Variants in SLCO1C1 observed in about 807,000 individuals in gnomAD.
SLCO1C1 encodes OAT-RP-5.
A neutral mutation model predicts 76.4 loss-of-function variants in SLCO1C1; 70 were observed. The observed-to-expected ratio is 0.92, with a 90% CI of 0.76 to 1.12. The LOEUF is 1.12. Ranked by LOEUF, SLCO1C1 falls within the 50% of genes most tolerant of loss-of-function variation. The pLI, the probability that SLCO1C1 is intolerant of heterozygous loss-of-function variation, is 0.00. For synonymous variants in SLCO1C1, 306 were observed against 286.1 expected (o/e 1.07, Z -0.70); for missense variants, 912 against 823.8 (o/e 1.11, Z -1.31).
rs1467339804 is a variant in SLCO1C1 at position 20,750,715 on chromosome 12, T to C, written c.1839T>C (p.Asp613=). ...CAGTGTATTTTGGAGTTTTGATTGA[T>C]ACTTCATGCCTCAAATGGGGATTTA... is the stretch of plus-strand genomic sequence containing the variant. ...PAPVYFGVLI[D]TSCLKWGFKR... Residue 613 remains aspartate (D), a synonymous_variant, in exon 14 of 15, where the codon GAT becomes GAC. Transcript: ENST00000266509. 1 of 1,614,088 alleles carries C rather than the reference T, an allele frequency of 6.2e-7. No individual in the cohort carries two copies.
chr12:20,745,896 C>T (rs887304129), intron 13 of SLCO1C1, among the ~76,000 whole-genome samples: 3 of 152,004 alleles, frequency 2.0e-5, no homozygotes, highest in East Asian at 3.9e-4. Context: ...TATGAACTCA[C>T]ATATTTTAAT....
At chr12:20,740,467 T>A in intron 12 of SLCO1C1, 99 bp downstream of exon 12, 1 of 1,092,578 alleles carries the variant, frequency 9.2e-7, no homozygotes, top group South Asian at 1.5e-5. Flanking sequence ...TTCCTCTTAG[T>A]TTTTTCAAGA....
At chr12:20,750,374 A>T (rs1419618930) in intron 13 of SLCO1C1, among the ~76,000 whole-genome samples, 1 of 152,194 alleles carries the variant, frequency 6.6e-6, no homozygotes, top group African/African-American at 2.4e-5. Context: ...AGTCTGCTTT[A>T]ATGACTGGGC....
chr12:20,724,635 A>C (rs1947873073), intron 9 of SLCO1C1, among the ~76,000 whole-genome samples: 1 of 148,420 alleles, frequency 6.7e-6, no homozygotes, highest in African/African-American at 2.4e-5. Flanking sequence ...ATTAAATAGT[A>C]TATTATATAC....
chr12:20,740,780 ATTTTATT>A (rs199577812), intron 12 of SLCO1C1, among the ~76,000 whole-genome samples: 1 of 25,058 alleles, frequency 4.0e-5, no homozygotes, highest in East Asian at 1.8e-3. Context: ...GTTAGAATTT[ATTTTATT>A]TATATATATA....
chr12:20,744,469 T>C (rs1334793362), intron 13 of SLCO1C1, among the ~76,000 whole-genome samples: 1 of 151,942 alleles, frequency 6.6e-6, no homozygotes, highest in Non-Finnish European at 1.5e-5. Context: ...AACTCCTAAG[T>C]TTTGAGAAGA....
chr12:20,742,429 CATT>C (rs1403295216), intron 12 of SLCO1C1, among the ~76,000 whole-genome samples: 3 of 151,458 alleles, frequency 2.0e-5, no homozygotes, highest in Admixed American at 1.3e-4. Flanking sequence ...TTATATACAT[CATT>C]ATGATTACTA....
intron 13 of SLCO1C1, among the ~76,000 whole-genome samples, chr12:20,749,572 C>T (rs908398107): frequency 4.6e-5 from 7 of 152,170 alleles, no homozygotes; most frequent in Admixed American, 4.6e-4. Flanking sequence ...AATGAACCAC[C>T]AATTTAGAAC....
At chr12:20,700,587 G>C (rs1183831620) in intron 2 of SLCO1C1, among the ~76,000 whole-genome samples, 2 of 151,356 alleles carry the variant, frequency 1.3e-5, no homozygotes, top group African/African-American at 4.9e-5. Context: ...TCCTAATGCT[G>C]TCCCTCCCCG....
chr12:20,732,460 A>T (rs1948324355), intron 9 of SLCO1C1, among the ~76,000 whole-genome samples: 1 of 152,200 alleles, frequency 6.6e-6, no homozygotes, highest in South Asian at 2.1e-4. Flanking sequence ...AGGATACCAC[A>T]CTCAAAGCTA....
rs138635253 is a variant in SLCO1C1, at chr12:20,724,750, CATAA to C, written c.1186+1502_1186+1505del. Among the ~76,000 whole-genome samples, 376 of 147,576 alleles carry C rather than the reference CATAA, an allele frequency of 2.5e-3. 4 individuals are homozygous for C. The highest frequency in any genetic ancestry group is 7.9e-3 in the African/African-American group (321 of 40,726). On this transcript the variant is annotated intron_variant, in intron 9 of 14. Coordinates refer to ENST00000266509, the MANE Select transcript of SLCO1C1 (RefSeq NM_017435.5). Reference sequence around the variant, plus strand: ...TTTCATGCTATGTCATATCTTATTACATAAATAAACCACAGTTTATTCATTTTAT... The same window carrying C: ...TTTCATGCTATGTCATATCTTATTACATAAACCACAGTTTATTCATTTTAT...
intron 10 of SLCO1C1, 147 bp downstream of exon 10, chr12:20,733,251 C>T (rs1399939): frequency 0.52 from 348,333 of 674,954 alleles, 96,166 homozygotes; most frequent in South Asian, 0.63. Context: ...CTGACAATAC[C>T]TAGAATCTGT....
intron 3 of SLCO1C1, among the ~76,000 whole-genome samples, chr12:20,702,741 A>G (rs2120616256): frequency 6.6e-6 from 1 of 152,030 alleles, no homozygotes; most frequent in East Asian, 1.9e-4. Flanking sequence ...ACATTATATC[A>G]TGAGAGAAAA....
chr12:20,719,109 T>TTATTAC (rs1363575236), intron 7 of SLCO1C1, among the ~76,000 whole-genome samples: 4 of 149,714 alleles, frequency 2.7e-5, no homozygotes, highest in Non-Finnish European at 4.4e-5. Context: ...ACTATTATTA[T>TTATTAC]TATTATTATT....
intron 4 of SLCO1C1, among the ~76,000 whole-genome samples, chr12:20,707,804 C>T (rs143551287): frequency 1.3e-5 from 2 of 151,356 alleles, no homozygotes; most frequent in African/African-American, 4.9e-5. Flanking sequence ...ATATCGAATA[C>T]CCGTATAAGA....
chr12:20,725,240 C>A (rs1180372941), intron 9 of SLCO1C1, among the ~76,000 whole-genome samples: 4 of 135,806 alleles, frequency 2.9e-5, no homozygotes, highest in Admixed American at 7.6e-5. Context: ...AGAAAAAATA[C>A]AAATAAAAAT....
At chr12:20,740,048 G>A in intron 11 of SLCO1C1, 136 bp from the exon 12 acceptor site, 1 of 877,052 alleles carries the variant, frequency 1.1e-6, no homozygotes, top group Non-Finnish European at 1.7e-6. Context: ...TCAATATACT[G>A]TAATACAAAA....
chr12:20,721,820 C>A lies in SLCO1C1; in HGVS notation c.792C>A (p.Thr264=). 6.2e-7 allele frequency: 1 copy of A among 1,614,026 alleles called. No individual in the cohort carries two copies. Residue 264 remains threonine (T), a synonymous_variant, in exon 8 of 15, where the codon ACC becomes ACA. Coordinates refer to ENST00000266509, the MANE Select transcript of SLCO1C1 (RefSeq NM_017435.5). The part of the protein sequence containing the change: ...GFVNLDHITI[T]PKDPQWVGAW... ...GTCTTTCAGATCACATAACCATTACCCCAAAAGATCCCCAGTGGGTAGGAG... is the reference window on the plus strand; with the variant it reads ...GTCTTTCAGATCACATAACCATTACACCAAAAGATCCCCAGTGGGTAGGAG...
At chr12:20,719,021 A>C (rs1225095782) in intron 7 of SLCO1C1, among the ~76,000 whole-genome samples, 1 of 151,954 alleles carries the variant, frequency 6.6e-6, no homozygotes, top group Non-Finnish European at 1.5e-5. Flanking sequence ...GTCTATAGGC[A>C]CTATTTTTCC....
Sources: allele counts gnomAD v4.1 joint callset (sites outside exome capture counted in the v4.1 genomes callset), GRCh38; gene constraint gnomAD v4.1.1; transcripts MANE v1.5; gene names NCBI Gene and HGNC (gene_info 2026-07-23, HGNC 2026-07-21).